Variants in MPHOSPH9 observed in about 807,000 individuals in gnomAD.
The protein encoded by MPHOSPH9 is M-phase phosphoprotein 9.
In MPHOSPH9, 88 loss-of-function variants were observed where a neutral mutation model predicts 145.5. The ratio of observed to expected loss-of-function variants is 0.60; its 90% confidence interval spans 0.51 to 0.72. The LOEUF is 0.72. Ranked by LOEUF, MPHOSPH9 falls within the 30% of genes least tolerant of loss-of-function variation. The probability of loss-of-function intolerance (pLI) is 0.00; values close to 1 mark genes in which losing one functional copy is unlikely to be tolerated. For synonymous variants in MPHOSPH9, 435 were observed against 486.2 expected (o/e 0.89, Z 1.39); for missense variants, 1,238 against 1,386.6 (o/e 0.89, Z 1.70).
chr12:123,240,017 T>TG (rs1290200527), intron 1 of MPHOSPH9, among the ~76,000 whole-genome samples: 1 of 151,952 alleles, frequency 6.6e-6, no homozygotes, highest in African/African-American at 2.4e-5. Context: ...AGCCTTGCCA[T>TG]GGGGTGTGGG....
intron 15 of MPHOSPH9, among the ~76,000 whole-genome samples, chr12:123,179,573 T>TCAA (rs568127387): frequency 1.6e-4 from 25 of 151,674 alleles, no homozygotes; most frequent in Admixed American, 1.3e-3. Context: ...AGACTCTGTA[T>TCAA]CAACAACAAC....
intron 16 of MPHOSPH9, among the ~76,000 whole-genome samples, chr12:123,175,071 A>C (rs1207877879): frequency 1.3e-5 from 2 of 152,124 alleles, no homozygotes; most frequent in African/African-American, 2.4e-5. Flanking sequence ...CATGGCAGGT[A>C]CATTAATAAA....
In MPHOSPH9 at chr12:123,183,547, C is replaced by CAAAAAA. The variant is rs746928699; in HGVS notation, c.2242-2343_2242-2338dup. ...AAGGTGACAGAGCAAGACTCTGTCTCAAAAAAAAAAAAAAAAAAAAAAAGA... is the reference window on the plus strand; with the variant it reads ...AAGGTGACAGAGCAAGACTCTGTCTCAAAAAAAAAAAAAAAAAAAAAAAAAAAAAGA... On this transcript the variant is annotated intron_variant, in intron 13 of 23. Coordinates refer to ENST00000606320, the MANE Select transcript of MPHOSPH9 (RefSeq NM_022782.4). 1.1e-3 allele frequency among the ~76,000 whole-genome samples: 66 copies of CAAAAAA among 58,552 alleles called. 1 individual carries two copies. The highest frequency in any genetic ancestry group is 8.9e-3 in the East Asian group (14 of 1,578). 38.4% of individuals were successfully genotyped at this position (58,552 alleles called of 152,430 possible).
chr12:123,224,258 C>A (rs185543938), intron 3 of MPHOSPH9, among the ~76,000 whole-genome samples: 6 of 151,532 alleles, frequency 4.0e-5, no homozygotes, highest in Non-Finnish European at 5.9e-5. Flanking sequence ...CCTCAGCCCC[C>A]AAGTAGCTGG....
intron 6 of MPHOSPH9, among the ~76,000 whole-genome samples, chr12:123,216,158 T>C (rs1228989617): frequency 6.6e-6 from 1 of 152,140 alleles, no homozygotes; most frequent in African/African-American, 2.4e-5. Flanking sequence ...CTAAACGGCT[T>C]TTCTAGAATA....
chr12:123,167,710 A>T (rs940887557), intron 16 of MPHOSPH9, among the ~76,000 whole-genome samples: 1 of 152,198 alleles, frequency 6.6e-6, no homozygotes, highest in African/African-American at 2.4e-5. Context: ...TTTTAGGTTG[A>T]CATGATTGAT....
chr12:123,238,771 A>G (rs2047888530), intron 1 of MPHOSPH9, among the ~76,000 whole-genome samples: 1 of 152,182 alleles, frequency 6.6e-6, no homozygotes. Flanking sequence ...AGGTCAGAGC[A>G]GGGCCTGAAA....
intron 8 of MPHOSPH9, among the ~76,000 whole-genome samples, chr12:123,203,929 C>T (rs2046318243): frequency 6.6e-6 from 1 of 152,142 alleles, no homozygotes; most frequent in African/African-American, 2.4e-5. Flanking sequence ...TCAAGCAATC[C>T]TCCCACCTTA....
intron 17 of MPHOSPH9, among the ~76,000 whole-genome samples, chr12:123,166,066 G>C (rs2044304636): frequency 6.6e-6 from 1 of 152,276 alleles, no homozygotes; most frequent in South Asian, 2.1e-4. Flanking sequence ...CAGGCTCGGG[G>C]CTCGGGCTGG....
intron 15 of MPHOSPH9, among the ~76,000 whole-genome samples, 189 bp from the exon 16 acceptor site, chr12:123,176,978 TC>T (rs779268467): frequency 4.0e-5 from 6 of 151,300 alleles, no homozygotes; most frequent in Admixed American, 1.3e-4. Flanking sequence ...GATCACAAGG[TC>T]AAGAGATGGA....
In MPHOSPH9 at chr12:123,210,977, CTTTTTTTTT is replaced by C. The variant is rs907442708; in HGVS notation, c.1088-824_1088-816del. ...CCAGCTAATTTTTGGTTTGTTTTTT[CTTTTTTTTT>C]TTTTTTTTTTTTTTTTGAGACAGAG... is the stretch of plus-strand genomic sequence containing the variant. On this transcript the variant is annotated intron_variant, in intron 7 of 23. Transcript: ENST00000606320. 1.0e-4 allele frequency among the ~76,000 whole-genome samples: 9 copies of C among 89,762 alleles called. No homozygotes were observed. The South Asian group carries it at 1.1e-3, about 11-fold the overall frequency. 58.9% of individuals were successfully genotyped at this position (89,762 alleles called of 152,430 possible).
rs773801556 is a variant in MPHOSPH9, at chr12:123,156,747, G to A, written c.*60C>T. ...CAGTACAAAATAGTTTGCCTTTTCT[G>A]ACTGCATAATTATACATTAGTGCAA... On this transcript the variant is annotated 3_prime_UTR_variant, in exon 24 of 24. Coordinates refer to ENST00000606320, the MANE Select transcript of MPHOSPH9 (RefSeq NM_022782.4). The A allele has an allele frequency of 1.4e-6, 2 of 1,384,630 alleles. No homozygotes were observed. Among genetic ancestry groups the A allele is most frequent in the Admixed American group, 3.5e-5 (2 of 57,336 alleles). The allele number at this position is 1,384,630 out of a possible 1,614,324, so 85.8% of individuals were successfully genotyped here.
intron 13 of MPHOSPH9, among the ~76,000 whole-genome samples, chr12:123,183,566 A>AG (rs1555221269): frequency 1.9e-4 from 28 of 151,238 alleles, no homozygotes; most frequent in African/African-American, 5.6e-4. Flanking sequence ...AAAAAAAAAA[A>AG]AAAAGAAAAA....
intron 15 of MPHOSPH9, among the ~76,000 whole-genome samples, chr12:123,178,207 T>C (rs1295523596): frequency 6.6e-6 from 1 of 152,192 alleles, no homozygotes; most frequent in Non-Finnish European, 1.5e-5. Flanking sequence ...ATGCCTGGCT[T>C]GTTCTTTTAA....
chr12:123,216,627 G>T (rs537374722), intron 6 of MPHOSPH9, among the ~76,000 whole-genome samples: 1 of 152,230 alleles, frequency 6.6e-6, no homozygotes, highest in South Asian at 2.1e-4. Flanking sequence ...AAGGCAAGAG[G>T]ATCACTTGAA....
rs371065707 is a variant in MPHOSPH9 at position 123,240,347 on chromosome 12, A to G, written c.-159+3506T>C. Reference sequence around the variant, plus strand: ...AGTCAGGGTGACGGAGACTCCGTCTAAAAAAAAAAGAAGAAGAAATGCAGA... The same window carrying G: ...AGTCAGGGTGACGGAGACTCCGTCTGAAAAAAAAAGAAGAAGAAATGCAGA... On this transcript the variant is annotated intron_variant, in intron 1 of 2. Coordinates refer to the MPHOSPH9 transcript ENST00000545406. Among the ~76,000 whole-genome samples the G allele has an allele frequency of 4.9e-4, 73 of 148,062 alleles. No individual in the cohort carries two copies. The Middle Eastern group carries it at 0.014, about 29-fold the overall frequency.
intron 16 of MPHOSPH9, among the ~76,000 whole-genome samples, chr12:123,174,348 C>T (rs554990270): frequency 4.0e-5 from 6 of 151,240 alleles, no homozygotes; most frequent in Non-Finnish European, 7.4e-5. Flanking sequence ...TACAACTTTA[C>T]GCACCATCTA....
chr12:123,193,177 G>T (rs994036705), intron 13 of MPHOSPH9, among the ~76,000 whole-genome samples: 3 of 149,020 alleles, frequency 2.0e-5, no homozygotes, highest in Non-Finnish European at 4.4e-5. Context: ...AGCAGGAGAA[G>T]TGTCTGTGTT....
At chr12:123,224,826 A>G (rs536959148) in intron 3 of MPHOSPH9, among the ~76,000 whole-genome samples, 1 of 152,340 alleles carries the variant, frequency 6.6e-6, no homozygotes, top group Non-Finnish European at 1.5e-5. Flanking sequence ...ACCCTTTCAG[A>G]AAAGCATGTC....
Sources: allele counts gnomAD v4.1 joint callset (sites outside exome capture counted in the v4.1 genomes callset), GRCh38; gene constraint gnomAD v4.1.1; transcripts MANE v1.5; gene names NCBI Gene and HGNC (gene_info 2026-07-23, HGNC 2026-07-21).